The following LRCH1 variants were observed in gnomAD, a reference collection of about 807,000 sequenced individuals.
LRCH1 encodes the protein leucine-rich repeat and calponin homology domain-containing protein 1.
LRCH1 carries 23 observed loss-of-function variants against 94.9 expected under a neutral mutation model. That is an observed-to-expected ratio of 0.24 (90% CI 0.17 to 0.34). The LOEUF (loss-of-function observed/expected upper bound fraction) is 0.34, where lower values mean the gene tolerates loss of function less well. LRCH1 is among the 10% of genes least tolerant of loss of function. The pLI, the probability that LRCH1 is intolerant of heterozygous loss-of-function variation, is 1.00. For synonymous variants in LRCH1, 364 were observed against 354.9 expected, an observed-to-expected ratio of 1.03 and a Z score of -0.29; for missense variants, 790 against 945.9, an observed-to-expected ratio of 0.84 and a Z score of 2.16.
intron 1 of LRCH1, among the ~76,000 whole-genome samples, chr13:46,564,037 TTAA>T (rs927475768): frequency 2.0e-5 from 3 of 152,180 alleles, no homozygotes; most frequent in Admixed American, 6.5e-5. Flanking sequence ...TGTGAAACCT[TTAA>T]TAACAGATGG....
At position 46,553,586 on chromosome 13, in the gene LRCH1, G is replaced by A. The variant is rs765478401; in HGVS notation, c.190G>A (p.Glu64Lys). The A allele has an allele frequency of 6.4e-7, 1 of 1,554,592 alleles. No homozygotes were observed. Among genetic ancestry groups the A allele is most frequent in the Admixed American group, 1.9e-5 (1 of 51,420 alleles). The change falls in exon 1 of 20, where the codon GAG becomes AAG. Residue 64 changes from glutamate (E) to lysine (K), a missense_variant. Physicochemically the swap from Glu to Lys is moderately conservative, Grantham distance 56 (BLOSUM62 1). Transcript: ENST00000389797. Reference protein sequence around the residue: ...GFNLPLNRGLERALEEAANSG... With the variant: ...GFNLPLNRGLKRALEEAANSG... ...CAACCTGCCCTTGAACCGGGGTCTG[G>A]AGCGCGCGCTTGAGGAGGCGGCCAA...
chr13:46,736,571 ATAAT>A (rs1203014158), intron 19 of LRCH1, among the ~76,000 whole-genome samples: 1 of 152,204 alleles, frequency 6.6e-6, no homozygotes, highest in Non-Finnish European at 1.5e-5. Context: ...TTCTCCATCT[ATAAT>A]TAGACATTTT....
At chr13:46,606,978 C>T (rs2050695143) in intron 1 of LRCH1, among the ~76,000 whole-genome samples, 1 of 152,152 alleles carries the variant, frequency 6.6e-6, no homozygotes, top group South Asian at 2.1e-4. Flanking sequence ...AGATGGGAGT[C>T]AGGGGAAAGC....
chr13:46,681,675 T>G, intron 3 of LRCH1, 66 bp from the exon 4 acceptor site: 1 of 1,107,550 alleles, frequency 9.0e-7, no homozygotes, highest in Non-Finnish European at 1.4e-6. Flanking sequence ...TTAAGGAGAT[T>G]TCACATGAAA....
intron 3 of LRCH1, among the ~76,000 whole-genome samples, chr13:46,675,513 G>A (rs532593721): frequency 6.6e-6 from 1 of 152,308 alleles, no homozygotes; most frequent in East Asian, 1.9e-4. Flanking sequence ...TTGTTGGAAG[G>A]TGCATTTCCT....
chr13:46,579,272 T>C (rs1266218663), intron 1 of LRCH1, among the ~76,000 whole-genome samples: 2 of 152,156 alleles, frequency 1.3e-5, no homozygotes, highest in East Asian at 3.9e-4. Context: ...CAGAACACAG[T>C]TTAACTCTGG....
At chr13:46,735,259 G>A (rs1243990839) in intron 19 of LRCH1, among the ~76,000 whole-genome samples, 1 of 152,112 alleles carries the variant, frequency 6.6e-6, no homozygotes, top group African/African-American at 2.4e-5. Context: ...TACATTTCTT[G>A]GCTTTGAATA....
intron 1 of LRCH1, among the ~76,000 whole-genome samples, chr13:46,563,029 C>G (rs1053671838): frequency 6.6e-6 from 1 of 152,058 alleles, no homozygotes; most frequent in Non-Finnish European, 1.5e-5. Context: ...GGTCACTTCT[C>G]ACCAACATTT....
chr13:46,588,864 A>G (rs531188035), intron 1 of LRCH1, among the ~76,000 whole-genome samples: 17 of 151,808 alleles, frequency 1.1e-4, no homozygotes, highest in African/African-American at 4.1e-4. Context: ...TGGCCTCCCA[A>G]AGTGTTGGGA....
chr13:46,607,601 TCTC>T (rs2050701964), intron 1 of LRCH1, among the ~76,000 whole-genome samples: 1 of 151,950 alleles, frequency 6.6e-6, no homozygotes, highest in African/African-American at 2.4e-5. Context: ...TTTTTCTCCT[TCTC>T]CTTCTCCTTC....
intron 16 of LRCH1, 49 bp from the exon 17 acceptor site, chr13:46,723,172 T>TA: frequency 1.0e-6 from 1 of 978,974 alleles, no homozygotes; most frequent in African/African-American, 1.7e-5. Context: ...TGAATAGCCC[T>TA]ATGTGACAAG....
At chr13:46,558,575 A>AAAAAAAAAAAAAAAAAAAAAAAAAAAAC (rs2050094243) in intron 1 of LRCH1, among the ~76,000 whole-genome samples, 1 of 105,526 alleles carries the variant, frequency 9.5e-6, no homozygotes, top group Non-Finnish European at 2.1e-5. Context: ...GTGTCTACAA[A>AAAAAAAAAAAAAAAAAAAAAAAAAAAAC]AAAAAAAAAA....
At position 46,668,025 on chromosome 13, in the gene LRCH1, C is replaced by A. The variant is rs1203317129; in HGVS notation, c.453-1005C>A. 2.6e-5 allele frequency among the ~76,000 whole-genome samples: 4 copies of A among 152,318 alleles called. No individual in the cohort carries two copies. In the East Asian group the frequency reaches 5.8e-4, roughly 22 times the overall value. ...ACACAGCAGTTTTATTAAATAGTTA[C>A]ACTGAATGACATACAGATTTTTAGA... On this transcript the variant is annotated intron_variant, in intron 2 of 19. Transcript: ENST00000389797.
At chr13:46,628,690 G>A (rs1209803392) in intron 1 of LRCH1, among the ~76,000 whole-genome samples, 14 of 149,084 alleles carry the variant, frequency 9.4e-5, no homozygotes, top group Non-Finnish European at 1.3e-4. Context: ...CACAAGGCCC[G>A]GCAGGCTGAG....
chr13:46,743,725 AG>A lies in LRCH1; in HGVS notation c.*1878del. On this transcript the variant is annotated 3_prime_UTR_variant, in exon 20 of 20. Transcript: ENST00000389797. Reference sequence around the variant, plus strand: ...GGTGGTTTTTCCCTTCTTTCTGGGGAGAAAATGGGAAAAAAAAAAAGAAAAC... The same window carrying A: ...GGTGGTTTTTCCCTTCTTTCTGGGGAAAAATGGGAAAAAAAAAAAGAAAAC... 1.1e-6 allele frequency: 1 copy of A among 883,598 alleles called. No homozygotes were observed. The highest frequency in any genetic ancestry group is 5.7e-5 in the South Asian group (1 of 17,498). The allele number at this position is 883,598 out of a possible 1,614,324, so 54.7% of individuals were successfully genotyped here.
At chr13:46,657,573 A>G (rs567413603) in intron 2 of LRCH1, among the ~76,000 whole-genome samples, 5 of 105,012 alleles carry the variant, frequency 4.8e-5, no homozygotes, top group Non-Finnish European at 6.9e-5. Context: ...TGCTCAGGCT[A>G]GAGTGCAGTG....
intron 13 of LRCH1, among the ~76,000 whole-genome samples, chr13:46,706,175 C>T (rs1566239808): frequency 6.6e-6 from 1 of 152,174 alleles, no homozygotes; most frequent in Non-Finnish European, 1.5e-5. Context: ...CATTGTTAAG[C>T]GCAGCGACTT....
intron 17 of LRCH1, 96 bp from the exon 18 acceptor site, chr13:46,728,751 A>G: frequency 8.6e-7 from 1 of 1,158,730 alleles, no homozygotes; most frequent in Middle Eastern, 2.1e-4. Flanking sequence ...CCTATGATGA[A>G]ATTAGTGCCT....
intron 2 of LRCH1, among the ~76,000 whole-genome samples, chr13:46,668,732 G>A (rs2051555405): frequency 7.2e-6 from 1 of 138,460 alleles, no homozygotes; most frequent in African/African-American, 2.7e-5. Context: ...CGGTGGCGGG[G>A]TGGCGGGGTG....
Sources: gnomAD v4.1 joint callset for allele counts (sites outside exome capture counted in the v4.1 genomes callset) on GRCh38, gnomAD v4.1.1 for gene constraint, MANE v1.5 for transcripts, NCBI Gene and HGNC (gene_info 2026-07-23, HGNC 2026-07-21) for gene names.